CACNA1H: variants seen among roughly 807,000 people sequenced by gnomAD.
CACNA1H encodes the protein calcium voltage-gated channel subunit alpha1 H, also known as voltage-dependent T-type calcium channel subunit alpha-1H.
In CACNA1H, 149 loss-of-function variants were observed where a neutral mutation model predicts 192.5. The ratio of observed to expected loss-of-function variants is 0.77; its 90% CI spans 0.68 to 0.89. CACNA1H has a LOEUF of 0.89. Among genes scored for constraint, CACNA1H ranks in the 40% least tolerant of loss-of-function variants. CACNA1H has a pLI of 0.00. For missense variants in CACNA1H, 4,257 were observed against 3,423.5 expected, an observed-to-expected ratio of 1.24 and a Z score of -6.08; for synonymous variants, 2,202 against 1,475.2, an observed-to-expected ratio of 1.49 and a Z score of -11.29.
rs574543676 is a variant in CACNA1H at position 1,200,785 on chromosome 16, A to G, written c.1189A>G (p.Ile397Val). The G allele has an allele frequency of 2.2e-4, 349 of 1,552,618 alleles. 4 individuals carry two copies. The South Asian group carries it at 3.8e-3, about 17-fold the overall frequency. The change falls in exon 8 of 35, where the codon ATC (isoleucine) becomes GTC (valine). Residue 397 changes from isoleucine (I) to valine (V), a missense_variant. Coordinates refer to ENST00000348261, the MANE Select transcript of CACNA1H (RefSeq NM_021098.3). The part of the protein sequence containing the change: ...VMDAHSFYNF[I>V]YFILLIIVGS... ...GGACGCCCACTCATTCTACAACTTC[A>G]TCTATTTCATCCTGCTCATCATCGT...
intron 2 of CACNA1H, among the ~76,000 whole-genome samples, chr16:1,158,474 C>T (rs189150538): frequency 1.9e-3 from 287 of 152,286 alleles, no homozygotes; most frequent in African/African-American, 6.4e-3. Context: ...TGCCGAGCGC[C>T]TGTCGTAGTC....
At chr16:1,198,854 C>G (rs533832188) in intron 6 of CACNA1H, 80 bp downstream of exon 6, 2 of 1,380,604 alleles carry the variant, frequency 1.4e-6, no homozygotes, top group African/African-American at 1.4e-5. Flanking sequence ...GTGGCTCCAC[C>G]GCCCCACGTG....
chr16:1,172,940 C>A (rs960785732), intron 2 of CACNA1H, among the ~76,000 whole-genome samples: 5 of 148,898 alleles, frequency 3.4e-5, no homozygotes, highest in African/African-American at 1.2e-4. Context: ...TCCTCGGCAG[C>A]TGGCCCCAGG....
rs1415105200 is a variant in CACNA1H at position 1,195,161 on chromosome 16, G to T, written c.411+78G>T. ...TGGTTCAAGGCGGAGTGGGGCGGGG[G>T]CGGGGCAAGGTTCAAGGTGGGGCGT... On this transcript the variant is annotated intron_variant, in intron 3 of 34. Transcript: ENST00000348261. 5.9e-6 allele frequency: 5 copies of T among 848,314 alleles called. No homozygotes were observed. The African/African-American group carries it at 6.8e-5, about 12-fold the overall frequency. 52.5% of individuals were successfully genotyped at this position (848,314 alleles called of 1,614,324 possible).
At chr16:1,155,626 G>A (rs1378143899) in intron 2 of CACNA1H, among the ~76,000 whole-genome samples, 2 of 151,942 alleles carry the variant, frequency 1.3e-5, no homozygotes, top group Non-Finnish European at 2.9e-5. Flanking sequence ...TCACAGCCCC[G>A]GGCCTGGCTG....
At chr16:1,203,886 G>A (rs1272742560) in intron 9 of CACNA1H, 124 bp from the exon 10 acceptor site, 4 of 667,482 alleles carry the variant, frequency 6.0e-6, no homozygotes, top group Non-Finnish European at 1.0e-5. Context: ...TCTGGAGGTT[G>A]GACTCTGGAT....
At chr16:1,189,003 C>G (rs1282003432) in intron 2 of CACNA1H, among the ~76,000 whole-genome samples, 1 of 152,218 alleles carries the variant, frequency 6.6e-6, no homozygotes, top group Non-Finnish European at 1.5e-5. Context: ...GTCCTGAGAG[C>G]TGAGGGGCTT....
rs377152489 is a variant in CACNA1H at position 1,218,662 on chromosome 16, C to T, written c.5887+11C>T. The T allele has an allele frequency of 2.5e-5, 38 of 1,522,898 alleles. No homozygotes were observed. The African/African-American group carries it at 3.5e-4, about 14-fold the overall frequency. 94.3% of individuals were successfully genotyped at this position (1,522,898 alleles called of 1,614,324 possible). A position where few individuals can be genotyped will look rare whatever the true frequency, so the allele number is the denominator to read the frequency against. ...CCGGCACCCCCTTGGGTATGGTAGCCAGCAGGAAGATATGGGCTGGGTGGG... is the reference window on the plus strand; with the variant it reads ...CCGGCACCCCCTTGGGTATGGTAGCTAGCAGGAAGATATGGGCTGGGTGGG... On this transcript the variant is annotated intron_variant, in intron 33 of 34. Transcript: ENST00000348261.
rs531253297 is a variant in CACNA1H at position 1,206,105 on chromosome 16, G to A, written c.2605G>A (p.Val869Ile). 8.6e-5 allele frequency: 135 copies of A among 1,575,782 alleles called. No homozygotes were observed. The highest frequency in any genetic ancestry group is 6.1e-4 in the African/African-American group (45 of 74,342). ...ACCCTCGCCCCCACCTGTCCGCAGC[G>A]TCTGGGAGATCGTGGGGCAGGCGGA... is the stretch of plus-strand genomic sequence containing the variant. The part of the protein sequence containing the change: ...IFDGIIVVIS[V>I]WEIVGQADGG... The change falls in exon 12 of 35, where the codon GTC becomes ATC. Residue 869 changes from valine (V) to isoleucine (I), a missense_variant and splice_region_variant. Physicochemically the swap from Val to Ile is conservative, Grantham distance 29. Transcript: ENST00000348261.
rs956734713 is a variant in CACNA1H at position 1,201,136 on chromosome 16, C to T, written c.1212+328C>T. The stretch of plus-strand genomic sequence containing the variant: ...GCTCCTTAGCTGGTCCTCTCATAGG[C>T]CCCAGTGGGTCCTGGCAGAGTTGGG... On this transcript the variant is annotated intron_variant, in intron 8 of 34. Transcript: ENST00000348261. Among the ~76,000 whole-genome samples the T allele has an allele frequency of 6.6e-5, 10 of 152,260 alleles. No homozygotes were observed. The East Asian group carries it at 1.7e-3, about 26-fold the overall frequency.
In CACNA1H at chr16:1,220,427, T is replaced by C. The variant is rs773249106; in HGVS notation, c.6495T>C (p.Pro2165=). Residue 2165 remains proline, a synonymous_variant, in exon 35 of 35, where the codon CCT becomes CCC. Coordinates refer to ENST00000348261, the MANE Select transcript of CACNA1H (RefSeq NM_021098.3). ...RPSAELGSGE[P]GEAKAWGPEA... ...CGGCGGAGCTGGGCAGCGGGGAGCC[T>C]GGGGAGGCGAAGGCCTGGGGCCCTG... 6.5e-7 allele frequency: 1 copy of C among 1,532,768 alleles called. No individual in the cohort carries two copies. Among genetic ancestry groups the C allele is most frequent in the Admixed American group, 2.2e-5 (1 of 44,918 alleles). The allele number at this position is 1,532,768 out of a possible 1,614,324, so 94.9% of individuals were successfully genotyped here.
intron 5 of CACNA1H, among the ~76,000 whole-genome samples, chr16:1,196,910 G>A (rs1056503260): frequency 1.3e-5 from 2 of 152,190 alleles, no homozygotes; most frequent in East Asian, 1.9e-4. Context: ...TACCAGGCGC[G>A]AGTGCATACT....
At position 1,209,084 on chromosome 16, in the gene CACNA1H, G is replaced by A. The variant is rs1205390921; in HGVS notation, c.3416G>A (p.Ser1139Asn). The A allele has an allele frequency of 2.6e-6, 4 of 1,544,440 alleles. No homozygotes were observed. The highest frequency in any genetic ancestry group is 1.4e-5 in the African/African-American group (1 of 72,614). Reference sequence around the variant, plus strand: ...CCCTGGGGCCCCAGTGGCGCCTGGAGCAGCCGGCGCTCCAGCTGGAGCAGC... The same window carrying A: ...CCCTGGGGCCCCAGTGGCGCCTGGAACAGCCGGCGCTCCAGCTGGAGCAGC... ...CAPWGPSGAWSSRRSSWSSLG... is the reference protein window; with the variant it reads ...CAPWGPSGAWNSRRSSWSSLG... The change falls in exon 17 of 35, where the codon AGC becomes AAC. Residue 1139 changes from serine (S) to asparagine (N), a missense_variant. By Grantham distance (46) the Ser-to-Asn change is conservative. Transcript: ENST00000348261.
chr16:1,158,541 T>A (rs1280295316), intron 2 of CACNA1H, among the ~76,000 whole-genome samples: 1 of 152,184 alleles, frequency 6.6e-6, no homozygotes, highest in Non-Finnish European at 1.5e-5. Flanking sequence ...CGTCATCTTG[T>A]TCCCGCCAGG....
Position 1,205,204 on chromosome 16 carries a change from G to A in CACNA1H, c.2542G>A (p.Gly848Ser), listed in dbSNP as rs374272094. 91 of 1,613,030 alleles carry A rather than the reference G, an allele frequency of 5.6e-5. 1 individual carries two copies. The highest frequency in any genetic ancestry group is 3.7e-4 in the African/African-American group (28 of 75,050). The change falls in exon 11 of 35, where the codon GGC becomes AGC. Residue 848 changes from glycine to serine, a missense_variant. Transcript: ENST00000348261. Reference sequence around the variant, plus strand: ...GATGCTGCTGAAGCTGCTGGCCTGCGGCCCTCTGGGCTACATCCGGAACCC... The same window carrying A: ...GATGCTGCTGAAGCTGCTGGCCTGCAGCCCTCTGGGCTACATCCGGAACCC... The part of the protein sequence containing the change: ...LEMLLKLLAC[G>S]PLGYIRNPYN...
At position 1,217,912 on chromosome 16, in the gene CACNA1H, C is replaced by A. The variant is rs754330211; in HGVS notation, c.5324-7C>A. ...CGGCTGACCGGGCGGGGTCTCCCTC[C>A]CCGCAGAGTGCAGTGAAGACAACCC... On this transcript the variant is annotated splice_region_variant and splice_polypyrimidine_tract_variant and intron_variant, in intron 31 of 34. Transcript: ENST00000348261. The A allele has an allele frequency of 6.3e-7, 1 of 1,597,310 alleles. No homozygotes were observed. Among genetic ancestry groups the A allele is most frequent in the African/African-American group, 1.3e-5 (1 of 74,580 alleles).
At chr16:1,195,402 C>T (rs755302607) in intron 3 of CACNA1H, 30 bp from the exon 4 acceptor site, 38 of 1,550,122 alleles carry the variant, frequency 2.5e-5, no homozygotes, top group Non-Finnish European at 3.1e-5. Context: ...TGAGCTGTTC[C>T]ACGGGCCCTC....
chr16:1,209,276 C>T lies in CACNA1H; in HGVS notation c.3608C>T (p.Pro1203Leu). 6.4e-7 allele frequency: 1 copy of T among 1,557,822 alleles called. No homozygotes were observed. Among genetic ancestry groups the T allele is most frequent in the South Asian group, 1.2e-5 (1 of 86,066 alleles). Reference sequence around the variant, plus strand: ...CGGGCCGAGTCCCTGGACCCACGGCCCCTGCGGCCGGCCGCCCTCCCGCCT... The same window carrying T: ...CGGGCCGAGTCCCTGGACCCACGGCTCCTGCGGCCGGCCGCCCTCCCGCCT... The part of the protein sequence containing the change: ...LRRAESLDPR[P>L]LRPAALPPTK... The change falls in exon 17 of 35, where the codon CCC becomes CTC. Residue 1203 changes from proline to leucine, a missense_variant. Coordinates refer to ENST00000348261, the MANE Select transcript of CACNA1H (RefSeq NM_021098.3).
intron 2 of CACNA1H, chr16:1,157,084 T>C (rs1962519652): frequency 6.6e-6 from 1 of 152,200 alleles, no homozygotes; most frequent in South Asian, 2.1e-4. Flanking sequence ...CCGGGGTTCC[T>C]GACTCCGCGT....
Sources: gnomAD v4.1 joint callset for allele counts (sites outside exome capture counted in the v4.1 genomes callset) on GRCh38, gnomAD v4.1.1 for gene constraint, MANE v1.5 for transcripts, NCBI Gene and HGNC (gene_info 2026-07-23, HGNC 2026-07-21) for gene names.